Variants in SPTAN1 observed in about 807,000 individuals in gnomAD.
SPTAN1 encodes the protein spectrin alpha, non-erythrocytic 1.
A neutral mutation model predicts 331.3 loss-of-function variants in SPTAN1; 61 were observed. The ratio of observed to expected loss-of-function variants is 0.18; its 90% CI spans 0.15 to 0.23. The LOEUF is 0.23. Among genes scored for constraint, SPTAN1 ranks in the 10% least tolerant of loss-of-function variants. The pLI is 1.00. For missense variants in SPTAN1, 2,043 were observed against 3,147.9 expected (o/e 0.65, Z 8.40); for synonymous variants, 1,153 against 1,173.9 (o/e 0.98, Z 0.36).
rs570516394 is a variant in SPTAN1, at chr9:128,631,946, A to G, written c.6763-181A>G. 5.3e-5 allele frequency: 34 copies of G among 641,646 alleles called. 1 individual carries two copies. The East Asian group carries it at 6.1e-4, about 11-fold the overall frequency. The allele number at this position is 641,646 out of a possible 1,614,324, so 39.7% of individuals were successfully genotyped here. Reference sequence around the variant, plus strand: ...CCTCACATTGAAAGTCTCTCCCTCTATTGAGGTGGTTGGGATTTCTTCAGC... The same window carrying G: ...CCTCACATTGAAAGTCTCTCCCTCTGTTGAGGTGGTTGGGATTTCTTCAGC... On this transcript the variant is annotated intron_variant, in intron 52 of 56. Transcript: ENST00000372739.
chr9:128,632,989 C>T, intron 56 of SPTAN1, 34 bp downstream of exon 56: 1 of 1,607,080 alleles, frequency 6.2e-7, no homozygotes, highest in Non-Finnish European at 8.5e-7. Context: ...AAGAGGTGTC[C>T]TTTGGAAAAC....
intron 40 of SPTAN1, among the ~76,000 whole-genome samples, 188 bp from the exon 41 acceptor site, chr9:128,615,444 C>T (rs532057870): frequency 2.6e-5 from 4 of 151,982 alleles, no homozygotes; most frequent in Non-Finnish European, 5.9e-5. Context: ...AATGTCCACA[C>T]GGTAAAAAAT....
intron 3 of SPTAN1, among the ~76,000 whole-genome samples, chr9:128,573,788 C>G (rs1435720342): frequency 6.6e-6 from 1 of 151,494 alleles, no homozygotes; most frequent in Non-Finnish European, 1.5e-5. Context: ...GAGTCTCGCT[C>G]TGTCGCCCAG....
At chr9:128,617,405 C>T (rs1218410295) in intron 41 of SPTAN1, among the ~76,000 whole-genome samples, 1 of 152,134 alleles carries the variant, frequency 6.6e-6, no homozygotes, top group Non-Finnish European at 1.5e-5. Flanking sequence ...TCCTCCAGTG[C>T]ATCCCCAACC....
rs781453058 is a variant in SPTAN1, at chr9:128,576,896, G to C, written c.725G>C (p.Gly242Ala). The change falls in exon 6 of 57, where the codon GGC becomes GCC. Residue 242 changes from glycine (G) to alanine (A), a missense_variant. Coordinates refer to ENST00000372739, the MANE Select transcript of SPTAN1 (RefSeq NM_001130438.3). ...AATGCAGCCTGGCAGCGGCTGAAGG[G>C]CCTGGCTCTGCAGAGGCAGGGGAAG... ...EVNAAWQRLK[G>A]LALQRQGKLF... is the part of the protein sequence containing the mutation. 6.8e-6 allele frequency: 11 copies of C among 1,614,168 alleles called. No homozygotes were observed. Among genetic ancestry groups the C allele is most frequent in the Non-Finnish European group, 8.5e-6 (10 of 1,180,048 alleles).
intron 40 of SPTAN1, among the ~76,000 whole-genome samples, chr9:128,614,259 A>G (rs551506018): frequency 2.5e-4 from 38 of 152,220 alleles, no homozygotes; most frequent in Non-Finnish European, 4.3e-4. Context: ...GTTCAAGACC[A>G]GCCTGGGCAA....
chr9:128,579,333 A>G (rs758447673), intron 9 of SPTAN1, among the ~76,000 whole-genome samples: 5 of 152,220 alleles, frequency 3.3e-5, no homozygotes, highest in Admixed American at 2.6e-4. Context: ...AAACAAGTCC[A>G]TTTGGCACAA....
intron 41 of SPTAN1, 68 bp downstream of exon 41, chr9:128,615,908 G>T: frequency 6.5e-7 from 1 of 1,548,118 alleles, no homozygotes; most frequent in South Asian, 1.1e-5. Flanking sequence ...ACCACAGGCT[G>T]ACTGTTGAGT....
chr9:128,630,639 C>G (rs1859563836), intron 52 of SPTAN1: 1 of 434,584 alleles, frequency 2.3e-6, no homozygotes, highest in African/African-American at 2.0e-5. Flanking sequence ...AGCAATTCTC[C>G]TGCCTCAGCC....
rs1854608331 is a variant in SPTAN1 at position 128,598,451 on chromosome 9, G to C, written c.3466G>C (p.Asp1156His). 1.9e-6 allele frequency: 3 copies of C among 1,613,358 alleles called. No individual in the cohort carries two copies. The highest frequency in any genetic ancestry group is 1.3e-5 in the African/African-American group (1 of 74,908). The change falls in exon 25 of 57, where the codon GAC becomes CAC. Residue 1156 changes from aspartate to histidine, a missense_variant. Asp to His is a moderately conservative substitution (Grantham distance 81, BLOSUM62 -1). Coordinates refer to ENST00000372739, the MANE Select transcript of SPTAN1 (RefSeq NM_001130438.3). ...RLKDINKVAE[D>H]LESEGLMAEE... ...GAAGGACATTAACAAGGTAGCTGAA[G>C]ACCTGGAGTCTGAAGGTCTCATGGC...
rs1179637690 is a variant in SPTAN1 at position 128,566,781 on chromosome 9, A to G, written c.41A>G (p.Asp14Gly). 6.2e-7 allele frequency: 1 copy of G among 1,614,232 alleles called. No individual in the cohort carries two copies. The highest frequency in any genetic ancestry group is 8.5e-7 in the Non-Finnish European group (1 of 1,180,042). ...SGVKVLETAE[D>G]IQERRQQVLD... The stretch of plus-strand genomic sequence containing the variant: ...GTCAAAGTGCTGGAAACAGCAGAGG[A>G]CATCCAGGAGAGGCGGCAGCAGGTC... The change falls in exon 2 of 57, where the codon GAC becomes GGC. Residue 14 changes from aspartate (D) to glycine (G), a missense_variant. Asp to Gly is a moderately conservative substitution (Grantham distance 94). Transcript: ENST00000372739.
chr9:128,581,506 C>T (rs1012689103), intron 11 of SPTAN1, among the ~76,000 whole-genome samples: 1 of 147,558 alleles, frequency 6.8e-6, no homozygotes, highest in Non-Finnish European at 1.5e-5. Flanking sequence ...AAAAAACAAA[C>T]CTTAGCATTA....
In SPTAN1 at chr9:128,626,733, C is replaced by T. The variant is rs1255064654; in HGVS notation, c.6576+46C>T. The T allele has an allele frequency of 7.8e-6, 12 of 1,548,090 alleles. No homozygotes were observed. In the East Asian group the frequency reaches 2.6e-4, roughly 33 times the overall value. On this transcript the variant is annotated intron_variant, in intron 49 of 56. Coordinates refer to ENST00000372739, the MANE Select transcript of SPTAN1 (RefSeq NM_001130438.3). ...AGGAGCTGCTCGGCCTCCCAGAGCC[C>T]TCTCTGGGCCCTGCTCAGAGCCCAC...
intron 41 of SPTAN1, among the ~76,000 whole-genome samples, chr9:128,616,743 A>C (rs1353959104): frequency 6.6e-6 from 1 of 151,638 alleles, no homozygotes; most frequent in East Asian, 2.0e-4. Context: ...CTCCAGAGCA[A>C]GACTCCGTCT....
At position 128,565,734 on chromosome 9, in the gene SPTAN1, A is replaced by G. The variant is rs1009117114; in HGVS notation, c.-3-1004A>G. On this transcript the variant is annotated intron_variant, in intron 1 of 56. Transcript: ENST00000372739. ...TGGGATAGACGACAGGATAAAGGAA[A>G]GAACTCCCAGATGTTTCCAGGGTAA... 5.3e-5 allele frequency among the ~76,000 whole-genome samples: 8 copies of G among 152,370 alleles called. No individual in the cohort carries two copies. In the East Asian group the frequency reaches 1.5e-3, roughly 29 times the overall value.
chr9:128,593,553 G>C (rs1386512842), intron 23 of SPTAN1: 1 of 199,986 alleles, frequency 5.0e-6, no homozygotes, highest in Admixed American at 5.3e-5. Flanking sequence ...CCGAGGGTTA[G>C]AATATTCTTT....
intron 40 of SPTAN1, 71 bp downstream of exon 40, chr9:128,613,556 G>A: frequency 7.7e-7 from 1 of 1,290,356 alleles, no homozygotes; most frequent in Non-Finnish European, 1.1e-6. Flanking sequence ...AGGAAAACAA[G>A]CGTGTTTGAG....
Position 128,632,719 on chromosome 9 carries a change from G to GTAAAT in SPTAN1, c.7160+5_7160+9dup, listed in dbSNP as rs747442396. 2.5e-6 allele frequency: 4 copies of GTAAAT among 1,614,000 alleles called. No homozygotes were observed. The East Asian group carries it at 6.7e-5, about 27-fold the overall frequency. ...TCCTGGACACGGTGGATCCGAACAG[G>GTAAAT]TAAATTAATTAAGGCCAGGTGCTGT... On this transcript the variant is annotated splice_donor_variant, in intron 55 of 56. Transcript: ENST00000372739. LOFTEE classifies it high-confidence loss of function.
intron 52 of SPTAN1, 60 bp downstream of exon 52, chr9:128,630,435 A>AC: frequency 6.4e-7 from 1 of 1,562,248 alleles, no homozygotes; most frequent in Admixed American, 1.7e-5. Context: ...CCCCCAGGGT[A>AC]CCCCTTCCCT....
Sources: allele counts gnomAD v4.1 joint callset (sites outside exome capture counted in the v4.1 genomes callset), GRCh38; gene constraint gnomAD v4.1.1; transcripts MANE v1.5; gene names NCBI Gene and HGNC (gene_info 2026-07-23, HGNC 2026-07-21).